RGS12: variants seen among roughly 807,000 people sequenced by gnomAD.
The protein encoded by RGS12 is regulator of G protein signaling 12.
In RGS12, 66 loss-of-function variants were observed where a neutral mutation model predicts 120.1. The observed-to-expected ratio is 0.55, with a 90% CI of 0.45 to 0.67. RGS12 has a LOEUF of 0.67. Ranked by LOEUF, RGS12 falls within the 30% of genes least tolerant of loss-of-function variation. The probability of loss-of-function intolerance (pLI) is 0.00; values close to 1 mark genes in which losing one functional copy is unlikely to be tolerated. For synonymous variants in RGS12, 827 were observed against 804.7 expected (o/e 1.03, Z -0.47); for missense variants, 1,859 against 1,957.7 (o/e 0.95, Z 0.95).
intron 1 of RGS12, among the ~76,000 whole-genome samples, chr4:3,311,105 T>C (rs1724372240): frequency 6.6e-6 from 1 of 152,086 alleles, no homozygotes; most frequent in Non-Finnish European, 1.5e-5. Flanking sequence ...CTGGAGGCCG[T>C]GATTGCTGAT....
chr4:3,343,163 C>T, intron 3 of RGS12, 110 bp downstream of exon 3: 2 of 737,084 alleles, frequency 2.7e-6, no homozygotes, highest in South Asian at 1.6e-5. Flanking sequence ...CCCTCCCCTC[C>T]TCCTCTGTAG....
intron 4 of RGS12, among the ~76,000 whole-genome samples, chr4:3,401,017 C>T (rs1720525788): frequency 6.6e-6 from 1 of 152,056 alleles, no homozygotes; most frequent in African/African-American, 2.4e-5. Context: ...TCATCATTTA[C>T]AAATAATATT....
At chr4:3,321,733 A>C (rs1333561781) in intron 2 of RGS12, among the ~76,000 whole-genome samples, 1 of 152,144 alleles carries the variant, frequency 6.6e-6, no homozygotes, top group East Asian at 1.9e-4. Flanking sequence ...GACTGCAGGC[A>C]TGTGGTGTCC....
At position 3,433,265 on chromosome 4, in the gene RGS12, G is replaced by A. The variant is rs980372802; in HGVS notation, c.4114+2310G>A. 1.1e-4 allele frequency among the ~76,000 whole-genome samples: 16 copies of A among 152,186 alleles called. No individual in the cohort carries two copies. The highest frequency in any genetic ancestry group is 2.9e-4 in the African/African-American group (12 of 41,438). ...GGCAGCCGCCCTGGACCCAGCGTCC[G>A]GGGTGAGAAACACAACAGGAGGTGT... On this transcript the variant is annotated intron_variant, in intron 17 of 17. Transcript: ENST00000336727. The surrounding 1 kb of genome is among the most constrained non-coding windows in gnomAD (Gnocchi z 4.4).
intron 3 of RGS12, among the ~76,000 whole-genome samples, chr4:3,345,095 A>G (rs1713671601): frequency 6.6e-6 from 1 of 152,248 alleles, no homozygotes; most frequent in Admixed American, 6.5e-5. Flanking sequence ...GAAAGACAGC[A>G]GTTTTTCAAG....
At chr4:3,392,117 G>A (rs1719566015) in intron 4 of RGS12, among the ~76,000 whole-genome samples, 1 of 152,188 alleles carries the variant, frequency 6.6e-6, no homozygotes, top group Non-Finnish European at 1.5e-5. Context: ...AAAAGGTCTA[G>A]AAGTAGATCC....
At chr4:3,362,531 TTG>T (rs1318347118) in intron 3 of RGS12, among the ~76,000 whole-genome samples, 1 of 120,406 alleles carries the variant, frequency 8.3e-6, no homozygotes, top group African/African-American at 3.4e-5. Context: ...TGAGGGTGTG[TTG>T]TGAGGGTTTG....
At chr4:3,347,063 G>A (rs1483086223) in intron 3 of RGS12, among the ~76,000 whole-genome samples, 9 of 151,934 alleles carry the variant, frequency 5.9e-5, no homozygotes, top group East Asian at 3.9e-4. Flanking sequence ...TGGAGGGATC[G>A]AGTAGGGAGA....
chr4:3,406,180 G>A (rs1156950072), intron 4 of RGS12, among the ~76,000 whole-genome samples: 6 of 152,202 alleles, frequency 3.9e-5, no homozygotes, highest in East Asian at 1.9e-4. Flanking sequence ...CGAGGTGACC[G>A]GCCAGAAAGG....
chr4:3,422,588 C>G lies in RGS12; in HGVS notation c.3033+18C>G. ...GGGACAAGGTACTGGGCCCGCCTGA[C>G]CCTCGTGCTGCCCTCAGGCCATGAC... On this transcript the variant is annotated intron_variant, in intron 11 of 17. Transcript: ENST00000336727. The G allele has an allele frequency of 6.2e-7, 1 of 1,604,712 alleles. No individual in the cohort carries two copies. The highest frequency in any genetic ancestry group is 8.5e-7 in the Non-Finnish European group (1 of 1,176,828).
intron 3 of RGS12, among the ~76,000 whole-genome samples, chr4:3,371,147 G>A (rs1716940601): frequency 6.6e-6 from 1 of 152,192 alleles, no homozygotes; most frequent in African/African-American, 2.4e-5. Flanking sequence ...AATAGACATG[G>A]GTCTGCTGGG....
At chr4:3,293,386 T>A (rs1723163056) in intron 1 of RGS12, among the ~76,000 whole-genome samples, 1 of 146,556 alleles carries the variant, frequency 6.8e-6, no homozygotes, top group Admixed American at 6.7e-5. Context: ...GTGCGCGGCC[T>A]CCTGGGGCCC....
At chr4:3,330,597 T>C (rs767556163) in intron 2 of RGS12, among the ~76,000 whole-genome samples, 2 of 152,200 alleles carry the variant, frequency 1.3e-5, no homozygotes, top group Non-Finnish European at 2.9e-5. Flanking sequence ...TTTGATTGAA[T>C]GAAATTGTCT....
Position 3,408,652 on chromosome 4 carries a change from A to G in RGS12, c.2021-5420A>G, listed in dbSNP as rs560348434. 6.6e-5 allele frequency among the ~76,000 whole-genome samples: 10 copies of G among 152,310 alleles called. No individual in the cohort carries two copies. In the East Asian group the frequency reaches 1.9e-3, roughly 29 times the overall value. On this transcript the variant is annotated intron_variant, in intron 4 of 17. Coordinates refer to ENST00000336727, the MANE Select transcript of RGS12 (RefSeq NM_001394154.1). ...ACTCAGGAGGGTCCACGTGCCCAGC[A>G]GGTCCCGTCTGTGCCCTCGGGAAGC... is the stretch of plus-strand genomic sequence containing the variant.
At position 3,316,116 on chromosome 4, in the gene RGS12, A is replaced by G; in HGVS notation, c.-55A>G. On this transcript the variant is annotated 5_prime_UTR_variant, in exon 2 of 18. Coordinates refer to ENST00000336727, the MANE Select transcript of RGS12 (RefSeq NM_001394154.1). ...CATGGTAGCATCAAGCATTCCTTGA[A>G]ATATGGCTCCAAGGGAACAATGAGA... is the stretch of plus-strand genomic sequence containing the variant. The G allele has an allele frequency of 6.7e-7, 1 of 1,495,368 alleles. No homozygotes were observed. Among genetic ancestry groups the G allele is most frequent in the Non-Finnish European group, 8.9e-7 (1 of 1,118,854 alleles). 92.6% of individuals were successfully genotyped at this position (1,495,368 alleles called of 1,614,324 possible).
chr4:3,317,001 G>C lies in RGS12; in HGVS notation c.831G>C (p.Met277Ile), dbSNP rs1317209299. The change falls in exon 2 of 18, where the codon ATG (methionine) becomes ATC (isoleucine). Residue 277 changes from methionine (M) to isoleucine (I), a missense_variant. This residue lies in a region of RGS12 where 967 missense variants were observed against 994.2 expected (regional missense o/e 0.97). Coordinates refer to ENST00000336727, the MANE Select transcript of RGS12 (RefSeq NM_001394154.1). ...ACTCGCTGGTGACCATGAAGATCAT[G>C]CACGACTGTGTGCAGCTGAGCACTG... ...KIHSLVTMKI[M>I]HDCVQLSTDK... 2 of 1,613,778 alleles carry C rather than the reference G, an allele frequency of 1.2e-6. No individual in the cohort carries two copies. Among genetic ancestry groups the C allele is most frequent in the Admixed American group, 1.7e-5 (1 of 60,036 alleles).
chr4:3,311,412 G>A (rs1347406046), intron 1 of RGS12, among the ~76,000 whole-genome samples: 1 of 152,180 alleles, frequency 6.6e-6, no homozygotes, highest in East Asian at 1.9e-4. Flanking sequence ...TGTCATGGCA[G>A]CAATATTTAT....
intron 3 of RGS12, among the ~76,000 whole-genome samples, chr4:3,361,427 G>A (rs557947345): frequency 2.0e-4 from 31 of 152,102 alleles, no homozygotes; most frequent in Admixed American, 1.7e-3. Context: ...CTTTTTTCCC[G>A]CCCTTTTGAA....
intron 17 of RGS12, among the ~76,000 whole-genome samples, chr4:3,436,228 C>G (rs779332127): frequency 1.3e-5 from 2 of 152,048 alleles, no homozygotes; most frequent in Non-Finnish European, 2.9e-5. Flanking sequence ...CCGTGGGGTG[C>G]GCTGTGGTGG....
Sources: gnomAD v4.1 joint callset for allele counts (sites outside exome capture counted in the v4.1 genomes callset) on GRCh38, gnomAD v4.1.1 for gene constraint, gnomAD v4.1.1 regional missense constraint, Gnocchi (gnomAD v3.1) non-coding constraint, MANE v1.5 for transcripts, NCBI Gene and HGNC (gene_info 2026-07-23, HGNC 2026-07-21) for gene names.